SLC38A11: variants seen among roughly 807,000 people sequenced by gnomAD.
The protein encoded by SLC38A11 is solute carrier family 38 member 11.
In SLC38A11, 51 loss-of-function variants were observed where a neutral mutation model predicts 49.4. The ratio of observed to expected loss-of-function variants is 1.03; its 90% CI spans 0.83 to 1.30. SLC38A11 has a LOEUF of 1.30. Ranked by LOEUF, SLC38A11 falls within the 50% of genes most tolerant of loss-of-function variation. SLC38A11 has a pLI of 0.00. For synonymous variants in SLC38A11, 203 were observed against 192.9 expected (o/e 1.05, Z -0.43); for missense variants, 574 against 556.2 (o/e 1.03, Z -0.32).
At chr2:164,914,780 G>A (rs997732624) in intron 9 of SLC38A11, among the ~76,000 whole-genome samples, 7 of 151,926 alleles carry the variant, frequency 4.6e-5, no homozygotes, top group Admixed American at 2.0e-4. Context: ...AGAGAGATTC[G>A]GGAGAATCCA....
chr2:164,939,753 C>T (rs2105501020), intron 5 of SLC38A11, among the ~76,000 whole-genome samples, 197 bp from the exon 6 acceptor site: 1 of 152,034 alleles, frequency 6.6e-6, no homozygotes, highest in Non-Finnish European at 1.5e-5. Flanking sequence ...AAAAAAATTT[C>T]AGGATGACTT....
chr2:164,939,412 A>G lies in SLC38A11; in HGVS notation c.537+38T>C. ...TAGACAGTAGATTATGCAGGCAACA[A>G]GGTACATTTCTATGCCCATTTAAAA... is the stretch of plus-strand genomic sequence containing the variant. On this transcript the variant is annotated intron_variant, in intron 6 of 11. Coordinates refer to ENST00000685975, the MANE Select transcript of SLC38A11 (RefSeq NM_001351537.2). 8.0e-6 allele frequency: 11 copies of G among 1,367,678 alleles called. No individual in the cohort carries two copies. In the Middle Eastern group the frequency reaches 1.3e-3, roughly 160 times the overall value. 84.7% of individuals were successfully genotyped at this position (1,367,678 alleles called of 1,614,324 possible).
At chr2:164,948,439 A>G (rs2105515534) in intron 3 of SLC38A11, among the ~76,000 whole-genome samples, 1 of 152,326 alleles carries the variant, frequency 6.6e-6, no homozygotes, top group South Asian at 2.1e-4. Flanking sequence ...TATCATGCCC[A>G]TTTAACAGAT....
rs540837491 is a variant in SLC38A11 at position 164,896,228 on chromosome 2, G to T, written c.*2209C>A. ...TTAAATTATAATTTGAAAGATGTCG[G>T]TAATCCGTGCAGCTAATAACTGGGT... On this transcript the variant is annotated 3_prime_UTR_variant, in exon 12 of 12. Coordinates refer to ENST00000685975, the MANE Select transcript of SLC38A11 (RefSeq NM_001351537.2). 7.9e-5 allele frequency: 12 copies of T among 152,250 alleles called. No individual in the cohort carries two copies. The highest frequency in any genetic ancestry group is 3.4e-3 in the Middle Eastern group (1 of 294). 9.4% of individuals were successfully genotyped at this position (152,250 alleles called of 1,614,324 possible). A position where few individuals can be genotyped will look rare whatever the true frequency, so the allele number is the denominator to read the frequency against.
chr2:164,895,508 T>C lies in SLC38A11; in HGVS notation c.*2929A>G, dbSNP rs959483194. Among the ~76,000 whole-genome samples, 1 of 152,212 alleles carries C rather than the reference T, an allele frequency of 6.6e-6. No individual in the cohort carries two copies. Among genetic ancestry groups the C allele is most frequent in the African/African-American group, 2.4e-5 (1 of 41,458 alleles). On this transcript the variant is annotated 3_prime_UTR_variant, in exon 12 of 12. Transcript: ENST00000685975. ...ATAGCAGATAAACCAGGAGGAGACCTGTTCTCTTCAATAAATGTATCTTTA... is the reference window on the plus strand; with the variant it reads ...ATAGCAGATAAACCAGGAGGAGACCCGTTCTCTTCAATAAATGTATCTTTA...
chr2:164,937,213 T>C, intron 7 of SLC38A11, 137 bp downstream of exon 7: 1 of 619,364 alleles, frequency 1.6e-6, no homozygotes, highest in Non-Finnish European at 2.8e-6. Context: ...GTAATTATTT[T>C]ACCTCATTTT....
chr2:164,909,097 T>C (rs1256910922), intron 10 of SLC38A11, among the ~76,000 whole-genome samples: 3 of 152,138 alleles, frequency 2.0e-5, no homozygotes, highest in Non-Finnish European at 4.4e-5. Flanking sequence ...TTGAGTCCAA[T>C]AGGTTACTAC....
chr2:164,939,402 G>A (rs757104708), intron 6 of SLC38A11, 48 bp downstream of exon 6: 2 of 1,270,680 alleles, frequency 1.6e-6, no homozygotes, highest in Non-Finnish European at 2.2e-6. Context: ...AGTAGATTAT[G>A]CAGGCAACAA....
intron 3 of SLC38A11, among the ~76,000 whole-genome samples, chr2:164,950,676 A>T (rs992678444): frequency 1.3e-5 from 2 of 152,164 alleles, no homozygotes; most frequent in African/African-American, 4.8e-5. Flanking sequence ...CAAATTTGAA[A>T]ATCTTAAAGC....
intron 7 of SLC38A11, among the ~76,000 whole-genome samples, chr2:164,916,491 T>G (rs1685800671): frequency 6.6e-6 from 1 of 152,138 alleles, no homozygotes; most frequent in African/African-American, 2.4e-5. Context: ...GTTATCTCAT[T>G]TAATTTTCAA....
chr2:164,945,486 T>C, intron 4 of SLC38A11, 107 bp downstream of exon 4: 1 of 1,017,870 alleles, frequency 9.8e-7, no homozygotes, highest in Non-Finnish European at 1.3e-6. Context: ...GGGAAAGATT[T>C]CAACTGCTAT....
Position 164,920,544 on chromosome 2 carries a change from CCGA to C in SLC38A11, c.618-4574_618-4572del, listed in dbSNP as rs981153593. On this transcript the variant is annotated intron_variant, in intron 7 of 11. Coordinates refer to ENST00000685975, the MANE Select transcript of SLC38A11 (RefSeq NM_001351537.2). ...GAGAGGATAGTGGGAGAAGAGATAT[CCGA>C]GGAGAAGACACTCTATGAAAACGAA... Among the ~76,000 whole-genome samples the C allele has an allele frequency of 9.9e-3, 1,005 of 101,942 alleles. 14 individuals carry two copies. The highest frequency in any genetic ancestry group is 0.027 in the African/African-American group (929 of 34,924). 66.9% of individuals were successfully genotyped at this position (101,942 alleles called of 152,430 possible).
rs143873757 is a variant in SLC38A11, at chr2:164,939,543, G to A, written c.444C>T (p.Asn148=). 7.0e-5 allele frequency: 112 copies of A among 1,606,550 alleles called. No homozygotes were observed. The highest frequency in any genetic ancestry group is 8.8e-5 in the Non-Finnish European group (103 of 1,174,792). The change falls in exon 6 of 12, where the codon AAC becomes AAT. Residue 148 remains asparagine, a synonymous_variant. Coordinates refer to ENST00000685975, the MANE Select transcript of SLC38A11 (RefSeq NM_001351537.2). The part of the protein sequence containing the change: ...FQRIPGVDPE[N]VFIGRHFIIG... The stretch of plus-strand genomic sequence containing the variant: ...TAATGAAGTGGCGACCAATAAACAC[G>A]TTTTCAGGATCAACTAAAACACAAT...
At chr2:164,910,514 G>A (rs1391859247) in intron 10 of SLC38A11, among the ~76,000 whole-genome samples, 3 of 152,114 alleles carry the variant, frequency 2.0e-5, no homozygotes, top group Non-Finnish European at 4.4e-5. Context: ...GAACTGGCCT[G>A]TGAGTTATAC....
chr2:164,925,184 C>T (rs995443134), intron 7 of SLC38A11, among the ~76,000 whole-genome samples: 2 of 152,166 alleles, frequency 1.3e-5, no homozygotes, highest in Non-Finnish European at 2.9e-5. Context: ...TGGGCGTTCT[C>T]TAATTCCTCT....
At chr2:164,899,715 T>C (rs1157215197) in intron 11 of SLC38A11, among the ~76,000 whole-genome samples, 2 of 152,136 alleles carry the variant, frequency 1.3e-5, no homozygotes, top group African/African-American at 2.4e-5. Flanking sequence ...CCTGATGTCA[T>C]AGAATACATA....
At chr2:164,899,499 T>G (rs1223547636) in intron 11 of SLC38A11, among the ~76,000 whole-genome samples, 1 of 152,138 alleles carries the variant, frequency 6.6e-6, no homozygotes, top group East Asian at 1.9e-4. Flanking sequence ...TGAATAGGAC[T>G]AATTCGCAAT....
intron 11 of SLC38A11, among the ~76,000 whole-genome samples, chr2:164,902,109 G>A (rs1684693728): frequency 6.8e-6 from 1 of 147,000 alleles, no homozygotes; most frequent in Non-Finnish European, 1.5e-5. Flanking sequence ...TCACAGTTCA[G>A]CTTTGATCTC....
intron 11 of SLC38A11, among the ~76,000 whole-genome samples, chr2:164,907,782 CATT>C (rs1685119983): frequency 6.6e-6 from 1 of 152,000 alleles, no homozygotes; most frequent in Admixed American, 6.6e-5. Flanking sequence ...GAAAAATAAT[CATT>C]ATCGGAAATA....
Sources: gnomAD v4.1 joint callset for allele counts (sites outside exome capture counted in the v4.1 genomes callset) on GRCh38, gnomAD v4.1.1 for gene constraint, MANE v1.5 for transcripts, NCBI Gene and HGNC (gene_info 2026-07-23, HGNC 2026-07-21) for gene names.